Variants in FLT1 observed in about 807,000 individuals in gnomAD.
FLT1 encodes fms related receptor tyrosine kinase 1, also known as vascular endothelial growth factor receptor 1.
A neutral mutation model predicts 156.3 loss-of-function variants in FLT1; 49 were observed. The observed-to-expected ratio is 0.31, with a 90% CI of 0.25 to 0.40. The LOEUF is 0.40. Ranked by LOEUF, FLT1 falls within the 10% of genes least tolerant of loss-of-function variation. The probability of loss-of-function intolerance (pLI) is 1.00; values close to 1 mark genes in which losing one functional copy is unlikely to be tolerated. For synonymous variants in FLT1, 594 were observed against 583.8 expected (o/e 1.02, Z -0.25); for missense variants, 1,322 against 1,637.2 (o/e 0.81, Z 3.32).
intron 3 of FLT1, among the ~76,000 whole-genome samples, chr13:28,465,792 T>A (rs907820439): frequency 2.0e-5 from 3 of 152,080 alleles, no homozygotes; most frequent in African/African-American, 7.2e-5. Context: ...TGCAGTGAGC[T>A]GCCATTGCAC....
At chr13:28,346,186 CAATTGCTG>C in intron 15 of FLT1, 1 of 152,920 alleles carries the variant, frequency 6.5e-6, no homozygotes, top group Non-Finnish European at 1.5e-5. Context: ...ATAGAAGAGG[CAATTGCTG>C]GACCTGAATC....
chr13:28,343,416 C>T (rs1296290075), intron 16 of FLT1, among the ~76,000 whole-genome samples: 3 of 151,756 alleles, frequency 2.0e-5, no homozygotes, highest in Non-Finnish European at 4.4e-5. Context: ...TCTCCTGCCT[C>T]AGTCTCCCCA....
rs1870476861 is a variant in FLT1, at chr13:28,300,633, G to C, written c.*2534C>G. ...AAATGAGGCTAGCGAGTATCTGTTT[G>C]ATGTTTGCATTCTTGTGGGCTAGGA... On this transcript the variant is annotated 3_prime_UTR_variant, in exon 30 of 30. Transcript: ENST00000282397. The C allele has an allele frequency of 2.6e-5, 6 of 231,812 alleles. No homozygotes were observed. Among genetic ancestry groups the C allele is most frequent in the Middle Eastern group, 1.2e-3 (1 of 808 alleles). 14.4% of individuals were successfully genotyped at this position (231,812 alleles called of 1,614,324 possible). A position where few individuals can be genotyped will look rare whatever the true frequency, so the allele number is the denominator to read the frequency against.
At chr13:28,336,463 C>G (rs1219737152) in intron 17 of FLT1, among the ~76,000 whole-genome samples, 3 of 152,172 alleles carry the variant, frequency 2.0e-5, no homozygotes, top group African/African-American at 7.2e-5. Flanking sequence ...CTAACTAGCT[C>G]GGAAGTGTGC....
At chr13:28,353,716 T>C (rs989690173) in intron 15 of FLT1, among the ~76,000 whole-genome samples, 2 of 152,158 alleles carry the variant, frequency 1.3e-5, no homozygotes, top group African/African-American at 4.8e-5. Flanking sequence ...ATTTCAGAAA[T>C]GATTTTAGTT....
intron 18 of FLT1, among the ~76,000 whole-genome samples, chr13:28,330,750 G>A (rs1871898780): frequency 6.6e-6 from 1 of 150,730 alleles, no homozygotes; most frequent in Non-Finnish European, 1.5e-5. Context: ...GTCTCCCTCT[G>A]TCGCCCAGGC....
chr13:28,314,508 T>C (rs536920779), intron 25 of FLT1, among the ~76,000 whole-genome samples: 1 of 152,314 alleles, frequency 6.6e-6, no homozygotes, highest in South Asian at 2.1e-4. Context: ...TTTGTACCAC[T>C]AAGTAAATGG....
intron 25 of FLT1, among the ~76,000 whole-genome samples, chr13:28,315,730 T>C (rs547938151): frequency 6.6e-6 from 1 of 152,350 alleles, no homozygotes; most frequent in Admixed American, 6.5e-5. Context: ...ATTTTCAGAC[T>C]ATATGAAGAT....
intron 1 of FLT1, among the ~76,000 whole-genome samples, chr13:28,490,003 T>G (rs543731308): frequency 2.3e-4 from 35 of 152,314 alleles, no homozygotes; most frequent in Admixed American, 1.1e-3. Flanking sequence ...AGTCAATAAA[T>G]ATTTGAACAT....
At chr13:28,319,363 A>C in intron 24 of FLT1, 60 bp downstream of exon 24, 1 of 1,117,920 alleles carries the variant, frequency 8.9e-7, no homozygotes, top group Admixed American at 1.9e-5. Context: ...AAGGACATTC[A>C]GCAGAAGATG....
intron 2 of FLT1, 64 bp downstream of exon 2, chr13:28,467,457 C>A: frequency 9.2e-7 from 1 of 1,084,678 alleles, no homozygotes; most frequent in Non-Finnish European, 1.4e-6. Flanking sequence ...TTTTACTCTG[C>A]CAGGGAATGA....
chr13:28,490,944 A>C (rs1881437906), intron 1 of FLT1, among the ~76,000 whole-genome samples: 1 of 152,176 alleles, frequency 6.6e-6, no homozygotes, highest in Admixed American at 6.5e-5. Context: ...TTCACGTGCC[A>C]AGATAGCTTC....
chr13:28,412,329 CT>C (rs11343321), intron 10 of FLT1, among the ~76,000 whole-genome samples: 3,863 of 87,898 alleles, frequency 0.044, 306 homozygotes, highest in Middle Eastern at 0.1. Context: ...TTCTTTCTTT[CT>C]TTTCTTTCTT....
At chr13:28,456,985 A>T (rs1221138391) in intron 3 of FLT1, among the ~76,000 whole-genome samples, 1 of 152,182 alleles carries the variant, frequency 6.6e-6, no homozygotes, top group East Asian at 1.9e-4. Flanking sequence ...GTGAACCCTC[A>T]TGTACACTTT....
At chr13:28,461,355 T>C (rs1879566891) in intron 3 of FLT1, among the ~76,000 whole-genome samples, 1 of 152,180 alleles carries the variant, frequency 6.6e-6, no homozygotes, top group East Asian at 1.9e-4. Flanking sequence ...GAGCTGCAAC[T>C]CCAGTACAGG....
intron 3 of FLT1, among the ~76,000 whole-genome samples, chr13:28,458,380 A>G (rs1361049691): frequency 6.6e-6 from 1 of 152,192 alleles, no homozygotes; most frequent in Admixed American, 6.5e-5. Context: ...CGTCGTTGCT[A>G]GTAAGTCTTA....
intron 3 of FLT1, among the ~76,000 whole-genome samples, chr13:28,463,532 C>T (rs1324800353): frequency 1.3e-5 from 2 of 152,132 alleles, no homozygotes; most frequent in African/African-American, 2.4e-5. Flanking sequence ...AAAATGAAAT[C>T]CCAATAATCT....
intron 14 of FLT1, among the ~76,000 whole-genome samples, chr13:28,361,003 G>A (rs561400081): frequency 7.9e-5 from 12 of 152,264 alleles, no homozygotes; most frequent in East Asian, 3.9e-4. Flanking sequence ...AAAAGGCCGG[G>A]CACGGTGGCT....
At chr13:28,435,725 G>A (rs537942937) in intron 4 of FLT1, among the ~76,000 whole-genome samples, 1 of 152,288 alleles carries the variant, frequency 6.6e-6, no homozygotes, top group South Asian at 2.1e-4. Context: ...CTCTTCCAGG[G>A]ACTATGCCTA....
Sources: allele counts gnomAD v4.1 joint callset (sites outside exome capture counted in the v4.1 genomes callset), GRCh38; gene constraint gnomAD v4.1.1; transcripts MANE v1.5; gene names NCBI Gene and HGNC (gene_info 2026-07-23, HGNC 2026-07-21).